SLC9C1: variants seen among roughly 807,000 people sequenced by gnomAD.
The protein encoded by SLC9C1 is solute carrier family 9 member C1, also known as sodium/hydrogen exchanger 10.
SLC9C1 carries 97 observed loss-of-function variants against 140.9 expected under a neutral mutation model. The observed-to-expected ratio is 0.69, with a 90% confidence interval of 0.58 to 0.82. The LOEUF (loss-of-function observed/expected upper bound fraction) is 0.82. Among genes scored for constraint, SLC9C1 ranks in the 40% least tolerant of loss-of-function variants. The pLI is 0.00. For missense variants in SLC9C1, 1,340 were observed against 1,389.3 expected, an observed-to-expected ratio of 0.96 and a Z score of 0.56; for synonymous variants, 440 against 442.6, an observed-to-expected ratio of 0.99 and a Z score of 0.07.
chr3:112,177,937 A>G (rs2077370713), intron 23 of SLC9C1, among the ~76,000 whole-genome samples: 1 of 151,520 alleles, frequency 6.6e-6, no homozygotes, highest in Non-Finnish European at 1.5e-5. Flanking sequence ...TATTTTAAAT[A>G]TATAACATAT....
intron 26 of SLC9C1, among the ~76,000 whole-genome samples, chr3:112,163,720 G>T (rs931615937): frequency 6.6e-6 from 1 of 152,048 alleles, no homozygotes; most frequent in African/African-American, 2.4e-5. Context: ...AATAGGTGTG[G>T]TGTGGTGCTG....
At chr3:112,239,732 C>A (rs2079089756) in intron 12 of SLC9C1, 108 bp downstream of exon 12, 1 of 1,116,482 alleles carries the variant, frequency 9.0e-7, no homozygotes, top group Non-Finnish European at 1.2e-6. Flanking sequence ...CATGACTTCT[C>A]TATCAATTAC....
chr3:112,230,809 T>G (rs898025609), intron 13 of SLC9C1, among the ~76,000 whole-genome samples: 2 of 152,180 alleles, frequency 1.3e-5, no homozygotes, highest in Non-Finnish European at 2.9e-5. Flanking sequence ...AACTAGCCTA[T>G]TAGCAATTTC....
At chr3:112,283,952 T>G (rs2080432197) in intron 2 of SLC9C1, among the ~76,000 whole-genome samples, 1 of 152,004 alleles carries the variant, frequency 6.6e-6, no homozygotes, top group Non-Finnish European at 1.5e-5. Flanking sequence ...CATGCACAGA[T>G]AGCAAAGCAC....
At chr3:112,157,511 TG>T (rs1284448685) in intron 26 of SLC9C1, among the ~76,000 whole-genome samples, 3 of 152,112 alleles carry the variant, frequency 2.0e-5, no homozygotes, top group Admixed American at 6.6e-5. Flanking sequence ...GGGTCTTTTG[TG>T]GTTCCCTATG....
intron 12 of SLC9C1, among the ~76,000 whole-genome samples, chr3:112,233,067 A>T (rs866928294): frequency 1.8e-4 from 5 of 28,372 alleles, no homozygotes; most frequent in Admixed American, 3.9e-4. Flanking sequence ...ATATATATAT[A>T]TTATATTTTT....
chr3:112,190,926 TAAACAC>T (rs2077645065), intron 20 of SLC9C1, among the ~76,000 whole-genome samples: 1 of 72,662 alleles, frequency 1.4e-5, no homozygotes, highest in South Asian at 4.8e-4. Flanking sequence ...TTACTTTTTT[TAAACAC>T]ACACACACAC....
chr3:112,169,727 T>C (rs1169802208), intron 23 of SLC9C1, among the ~76,000 whole-genome samples: 2 of 152,152 alleles, frequency 1.3e-5, no homozygotes, highest in Non-Finnish European at 2.9e-5. Context: ...CTTTTTTGGT[T>C]CCATATGAAT....
At chr3:112,181,301 G>A (rs1370019999) in intron 21 of SLC9C1, among the ~76,000 whole-genome samples, 1 of 152,138 alleles carries the variant, frequency 6.6e-6, no homozygotes, top group African/African-American at 2.4e-5. Flanking sequence ...GAAAAGTAAT[G>A]GGAACAGATG....
intron 10 of SLC9C1, among the ~76,000 whole-genome samples, chr3:112,248,719 T>C (rs1245581040): frequency 6.6e-6 from 1 of 152,172 alleles, no homozygotes; most frequent in East Asian, 1.9e-4. Context: ...GCAGATATAT[T>C]TGCCCTTATT....
chr3:112,182,552 G>T (rs953581024), intron 20 of SLC9C1, among the ~76,000 whole-genome samples: 2 of 152,016 alleles, frequency 1.3e-5, no homozygotes, highest in African/African-American at 4.8e-5. Flanking sequence ...AATAAGTATG[G>T]TACCTCTTAG....
At chr3:112,149,447 C>A (rs1434127994) in intron 28 of SLC9C1, among the ~76,000 whole-genome samples, 1 of 151,876 alleles carries the variant, frequency 6.6e-6, no homozygotes, top group African/African-American at 2.4e-5. Context: ...GGAGATCTGC[C>A]TAAGTGTGGA....
chr3:112,280,425 A>C (rs2080325968), intron 3 of SLC9C1, among the ~76,000 whole-genome samples: 1 of 96,156 alleles, frequency 1.0e-5, no homozygotes, highest in African/African-American at 3.2e-5. Flanking sequence ...GGCCACTAAT[A>C]CTTTTATGTA....
At chr3:112,217,619 T>C in intron 14 of SLC9C1, 58 bp from the exon 15 acceptor site, 6 of 1,462,544 alleles carry the variant, frequency 4.1e-6, no homozygotes, top group Non-Finnish European at 5.5e-6. Flanking sequence ...AAGTTTAATG[T>C]TGTACTGGAA....
At chr3:112,163,568 A>G (rs371432708) in intron 26 of SLC9C1, among the ~76,000 whole-genome samples, 5 of 152,100 alleles carry the variant, frequency 3.3e-5, no homozygotes, top group South Asian at 4.2e-4. Context: ...CAGTTTCCAT[A>G]TAGTTGAGCG....
At chr3:112,266,499 C>G (rs983360219) in intron 7 of SLC9C1, among the ~76,000 whole-genome samples, 159 bp from the exon 8 acceptor site, 1 of 152,062 alleles carries the variant, frequency 6.6e-6, no homozygotes, top group African/African-American at 2.4e-5. Context: ...AAATTATTAC[C>G]ACCACCCCAT....
chr3:112,264,833 G>A (rs2108298701), intron 8 of SLC9C1, among the ~76,000 whole-genome samples: 1 of 152,106 alleles, frequency 6.6e-6, no homozygotes, highest in Admixed American at 6.6e-5. Context: ...AGTTTATGAA[G>A]TAGTTACTTG....
chr3:112,155,006 A>G lies in SLC9C1; in HGVS notation c.3408T>C (p.Asn1136=). The change falls in exon 27 of 29, where the codon AAT becomes AAC. Residue 1136 remains asparagine, a synonymous_variant. Transcript: ENST00000305815. ...TLEEGIQEER[N]VKEDGAHSAA... ...GCTGCTTTAAATTTACCTCCTTAAC[A>G]TTTCTTTCTTCTTGAATGCCTTCTT... The G allele has an allele frequency of 1.2e-6, 2 of 1,609,612 alleles. No individual in the cohort carries two copies.
Position 112,264,206 on chromosome 3 carries a change from A to G in SLC9C1, c.1016T>C (p.Val339Ala). The G allele has an allele frequency of 8.4e-7, 1 of 1,183,938 alleles. No homozygotes were observed. The highest frequency in any genetic ancestry group is 3.2e-5 in the East Asian group (1 of 31,348). The allele number at this position is 1,183,938 out of a possible 1,614,324, so 73.3% of individuals were successfully genotyped here. Residue 339 changes from valine (V) to alanine (A), a missense_variant, in exon 9 of 29, where the codon GTT becomes GCT. Coordinates refer to ENST00000305815, the MANE Select transcript of SLC9C1 (RefSeq NM_183061.3). The part of the protein sequence containing the change: ...YSLNIYLTLI[V>A]LRFLTLLLIS... Reference sequence around the variant, plus strand: ...ATTTTAATGATGTTCTTACCTTAAAACAATCAATGTTAAGTAGATATTTAA... The same window carrying G: ...ATTTTAATGATGTTCTTACCTTAAAGCAATCAATGTTAAGTAGATATTTAA...
Sources: gnomAD v4.1 joint callset for allele counts (sites outside exome capture counted in the v4.1 genomes callset) on GRCh38, gnomAD v4.1.1 for gene constraint, MANE v1.5 for transcripts, NCBI Gene and HGNC (gene_info 2026-07-23, HGNC 2026-07-21) for gene names.